The following CNTN3 variants were observed in gnomAD, a reference collection of about 807,000 sequenced individuals.
The protein encoded by CNTN3 is contactin-3.
Under a neutral mutation model 119.1 loss-of-function variants are expected in CNTN3, and 60 were observed. The ratio of observed to expected loss-of-function variants is 0.50; its 90% CI spans 0.41 to 0.62. CNTN3 has a LOEUF of 0.62. Among genes scored for constraint, CNTN3 ranks in the 20% least tolerant of loss-of-function variants. The pLI, the probability that CNTN3 is intolerant of heterozygous loss-of-function variation, is 0.00. For synonymous variants in CNTN3, 450 were observed against 438.7 expected, an observed-to-expected ratio of 1.03 and a Z score of -0.32; for missense variants, 1,101 against 1,242.4, an observed-to-expected ratio of 0.89 and a Z score of 1.71.
At chr3:74,469,387 G>T (rs1180777640) in intron 4 of CNTN3, among the ~76,000 whole-genome samples, 1 of 152,144 alleles carries the variant, frequency 6.6e-6, no homozygotes, top group Non-Finnish European at 1.5e-5. Context: ...TGACTCCAGA[G>T]ATTTAAAGAG....
At chr3:74,330,857 T>A (rs911989756) in intron 13 of CNTN3, among the ~76,000 whole-genome samples, 5 of 151,860 alleles carry the variant, frequency 3.3e-5, no homozygotes, top group African/African-American at 1.2e-4. Flanking sequence ...AAAAAAAAAT[T>A]AAAAACAGAA....
Position 74,551,005 on chromosome 3 carries a change from G to A in CNTN3, c.-80-29813C>T, listed in dbSNP as rs149802147. Among the ~76,000 whole-genome samples, 76 of 152,242 alleles carry A rather than the reference G, an allele frequency of 5.0e-4. No homozygotes were observed. The East Asian group carries it at 0.012, about 25-fold the overall frequency. ...GAGTCCAATGTCGAGTCCCCAATAC[G>A]GACTAGCCTTTAGGAAACCAACATG... On this transcript the variant is annotated intron_variant, in intron 1 of 22. Transcript: ENST00000263665.
chr3:74,509,486 C>T (rs566819570), intron 2 of CNTN3, among the ~76,000 whole-genome samples: 66 of 152,074 alleles, frequency 4.3e-4, no homozygotes, highest in African/African-American at 1.5e-3. Flanking sequence ...TTAGTAGAGA[C>T]GGGGTTTCGC....
chr3:74,602,790 A>C (rs1164706358), intron 1 of CNTN3, among the ~76,000 whole-genome samples: 1 of 152,144 alleles, frequency 6.6e-6, no homozygotes, highest in Non-Finnish European at 1.5e-5. Flanking sequence ...TCTGGCCAAT[A>C]AAATGTGAGA....
intron 13 of CNTN3, among the ~76,000 whole-genome samples, chr3:74,309,480 T>C (rs1012453307): frequency 1.3e-5 from 2 of 152,202 alleles, no homozygotes; most frequent in South Asian, 4.1e-4. Flanking sequence ...TGAAAAACAC[T>C]GTGCTATCCA....
intron 4 of CNTN3, among the ~76,000 whole-genome samples, chr3:74,440,152 A>AT (rs541459758): frequency 5.9e-5 from 9 of 152,146 alleles, no homozygotes; most frequent in African/African-American, 2.2e-4. Flanking sequence ...TCTGTGGTGC[A>AT]TTTTTTGTCT....
At chr3:74,330,527 A>G (rs1269083567) in intron 13 of CNTN3, among the ~76,000 whole-genome samples, 1 of 152,204 alleles carries the variant, frequency 6.6e-6, no homozygotes, top group Non-Finnish European at 1.5e-5. Flanking sequence ...ATACTTGATA[A>G]TCATGATAAA....
At chr3:74,419,527 C>T (rs771073157) in intron 5 of CNTN3, among the ~76,000 whole-genome samples, 2 of 152,212 alleles carry the variant, frequency 1.3e-5, no homozygotes, top group Non-Finnish European at 2.9e-5. Context: ...CTTCAGCCTC[C>T]ATTACCTGCT....
At chr3:74,467,935 C>T (rs1378298805) in intron 4 of CNTN3, among the ~76,000 whole-genome samples, 1 of 152,196 alleles carries the variant, frequency 6.6e-6, no homozygotes, top group Non-Finnish European at 1.5e-5. Context: ...GAAAATAAAA[C>T]TGATCTATGC....
chr3:74,331,363 C>A (rs1219892727), intron 13 of CNTN3, among the ~76,000 whole-genome samples: 2 of 152,186 alleles, frequency 1.3e-5, no homozygotes, highest in African/African-American at 4.8e-5. Context: ...CTATACCACA[C>A]AGCCTGGGTG....
chr3:74,468,683 T>C (rs1456147088), intron 4 of CNTN3, among the ~76,000 whole-genome samples: 1 of 152,124 alleles, frequency 6.6e-6, no homozygotes, highest in Non-Finnish European at 1.5e-5. Flanking sequence ...AAACTATCAA[T>C]TGGATTTCCA....
chr3:74,502,936 C>T (rs773509484), intron 2 of CNTN3, among the ~76,000 whole-genome samples: 7 of 152,082 alleles, frequency 4.6e-5, no homozygotes, highest in Non-Finnish European at 1.0e-4. Context: ...GCTCTTAGAA[C>T]ACAGTAGATA....
At chr3:74,561,535 C>G (rs1271817952) in intron 1 of CNTN3, among the ~76,000 whole-genome samples, 1 of 152,112 alleles carries the variant, frequency 6.6e-6, no homozygotes, top group Non-Finnish European at 1.5e-5. Flanking sequence ...CTCCCTCATG[C>G]TGCAGTCTCC....
chr3:74,456,538 T>C (rs539202299), intron 4 of CNTN3, among the ~76,000 whole-genome samples: 20 of 152,026 alleles, frequency 1.3e-4, no homozygotes, highest in Non-Finnish European at 2.5e-4. Context: ...AATGTCAGCA[T>C]GGAGGAATGG....
chr3:74,455,448 A>G (rs1034447433), intron 4 of CNTN3, among the ~76,000 whole-genome samples: 1 of 151,908 alleles, frequency 6.6e-6, no homozygotes, highest in African/African-American at 2.4e-5. Context: ...TTTGGTTTGA[A>G]TTTCCTCCTG....
At chr3:74,321,168 A>G (rs1467481669) in intron 13 of CNTN3, among the ~76,000 whole-genome samples, 1 of 152,156 alleles carries the variant, frequency 6.6e-6, no homozygotes, top group African/African-American at 2.4e-5. Context: ...ATTGAAGACT[A>G]TTGGGTACTA....
At chr3:74,517,143 A>G (rs977025550) in intron 2 of CNTN3, among the ~76,000 whole-genome samples, 10 of 152,022 alleles carry the variant, frequency 6.6e-5, no homozygotes, top group African/African-American at 2.4e-4. Flanking sequence ...CATCTAGGAG[A>G]GGGACCTGTA....
intron 5 of CNTN3, among the ~76,000 whole-genome samples, chr3:74,415,377 G>T (rs1701503717): frequency 6.6e-6 from 1 of 152,142 alleles, no homozygotes; most frequent in African/African-American, 2.4e-5. Flanking sequence ...TTGTTTCCAT[G>T]ACCCTGACTC....
rs1701631261 is a variant in CNTN3 at position 74,264,491 on chromosome 3, T to A, written c.2997A>T (p.Ala999=). The A allele has an allele frequency of 6.2e-7, 1 of 1,608,732 alleles. No individual in the cohort carries two copies. The highest frequency in any genetic ancestry group is 2.2e-5 in the East Asian group (1 of 44,754). Residue 999 remains alanine, a synonymous_variant, in exon 23 of 23, where the codon GCA becomes GCT. Transcript: ENST00000263665. The part of the protein sequence containing the change: ...IRIPRITSMD[A]RGSTSAISNV... ...TCGAGATGGCTGAAGTGGATCCTCT[T>A]GCATCCATACCTGTCAAAGTTGATG...
Sources: gnomAD v4.1 joint callset for allele counts (sites outside exome capture counted in the v4.1 genomes callset) on GRCh38, gnomAD v4.1.1 for gene constraint, MANE v1.5 for transcripts, NCBI Gene and HGNC (gene_info 2026-07-23, HGNC 2026-07-21) for gene names.